CHRM3: variants seen among roughly 807,000 people sequenced by gnomAD.
The protein encoded by CHRM3 is cholinergic receptor muscarinic 3.
In CHRM3, 11 loss-of-function variants were observed where a neutral mutation model predicts 41.8. The ratio of observed to expected loss-of-function variants is 0.26; its 90% CI spans 0.17 to 0.44. The LOEUF is 0.44. Ranked by LOEUF, CHRM3 falls within the 20% of genes least tolerant of loss-of-function variation. The pLI is 1.00. For missense variants in CHRM3, 571 were observed against 745.4 expected, an observed-to-expected ratio of 0.77 and a Z score of 2.72; for synonymous variants, 297 against 301.4, an observed-to-expected ratio of 0.99 and a Z score of 0.15.
At chr1:239,865,162 A>G (rs76719103) in intron 6 of CHRM3, among the ~76,000 whole-genome samples, 2,822 of 152,306 alleles carry the variant, frequency 0.019, 100 homozygotes, top group African/African-American at 0.065. Context: ...ATCTCCTTGT[A>G]AAGGAACATG....
chr1:239,390,399 A>G (rs1658922400), intron 1 of CHRM3, among the ~76,000 whole-genome samples: 1 of 152,158 alleles, frequency 6.6e-6, no homozygotes, highest in Admixed American at 6.5e-5. Flanking sequence ...AGATAATCTA[A>G]TGTATATGAC....
At chr1:239,898,052 T>C (rs946186124) in intron 6 of CHRM3, 37 of 152,206 alleles carry the variant, frequency 2.4e-4, no homozygotes, top group Admixed American at 1.3e-4. Context: ...CCGGTTTTGG[T>C]GTTCAGAGAT....
chr1:239,618,186 A>G (rs573417206), intron 3 of CHRM3, among the ~76,000 whole-genome samples: 1 of 151,390 alleles, frequency 6.6e-6, no homozygotes, highest in South Asian at 2.1e-4. Flanking sequence ...ATGTGAACTT[A>G]AGGGCACATT....
At chr1:239,420,135 A>C (rs1325763531) in intron 1 of CHRM3, among the ~76,000 whole-genome samples, 1 of 151,998 alleles carries the variant, frequency 6.6e-6, no homozygotes, top group African/African-American at 2.4e-5. Context: ...CTTTTTGGAG[A>C]CTTGAGCTCT....
At position 239,449,733 on chromosome 1, in the gene CHRM3, GGT is replaced by G. The variant is rs149312544; in HGVS notation, c.-520-42956_-520-42955del. ...TATTTAGGATGAATTGTCACATTCT[GGT>G]GTGTGTGTGTGTGTGTGTGCGTGTG... On this transcript the variant is annotated intron_variant, in intron 1 of 6. Coordinates refer to ENST00000676153, the MANE Select transcript of CHRM3 (RefSeq NM_001375978.1). Among the ~76,000 whole-genome samples the G allele has an allele frequency of 5.4e-3, 780 of 143,418 alleles. 7 individuals carry two copies. Among genetic ancestry groups the G allele is most frequent in the Middle Eastern group, 0.015 (4 of 272 alleles). The allele number at this position is 143,418 out of a possible 152,430, so 94.1% of individuals were successfully genotyped here.
rs572650280 is a variant in CHRM3, at chr1:239,576,665, G to A, written c.-313+30916G>A. On this transcript the variant is annotated intron_variant, in intron 3 of 6. Transcript: ENST00000676153. ...CCAGGCATGGTGGCATGTGCCTATA[G>A]TCCTAGCTACTTGGGAAGCTGAGGC... Among the ~76,000 whole-genome samples, 34 of 151,456 alleles carry A rather than the reference G, an allele frequency of 2.2e-4. No homozygotes were observed. In the South Asian group the frequency reaches 6.5e-3, roughly 29 times the overall value.
chr1:239,728,953 CTG>C (rs563005577), intron 5 of CHRM3, among the ~76,000 whole-genome samples: 35 of 151,914 alleles, frequency 2.3e-4, no homozygotes, highest in Non-Finnish European at 3.8e-4. Flanking sequence ...TGTTGCCAAG[CTG>C]TGTGTTTTCC....
intron 2 of CHRM3, among the ~76,000 whole-genome samples, chr1:239,506,637 G>C (rs1017773086): frequency 2.0e-5 from 3 of 152,198 alleles, no homozygotes; most frequent in Admixed American, 6.5e-5. Flanking sequence ...CCCCCACACA[G>C]AGTCCCTACT....
rs1659056985 is a variant in CHRM3 at position 239,391,801 on chromosome 1, A to G, written c.-521+4574A>G. ...ATGGTGGCCAAAAATTAAAAACAAA[A>G]AACAAAAACCAATTTGATAAACAGT... On this transcript the variant is annotated intron_variant, in intron 1 of 6. Coordinates refer to ENST00000676153, the MANE Select transcript of CHRM3 (RefSeq NM_001375978.1). Among the ~76,000 whole-genome samples the G allele has an allele frequency of 3.3e-5, 5 of 152,208 alleles. 1 individual carries two copies. In the South Asian group the frequency reaches 1.0e-3, roughly 32 times the overall value.
chr1:239,871,208 T>C (rs966866811), intron 6 of CHRM3, among the ~76,000 whole-genome samples: 1 of 152,170 alleles, frequency 6.6e-6, no homozygotes, highest in Non-Finnish European at 1.5e-5. Context: ...CACTATATCC[T>C]GTGTATAGGG....
chr1:239,485,609 A>C (rs546597015), intron 1 of CHRM3, among the ~76,000 whole-genome samples: 22 of 152,284 alleles, frequency 1.4e-4, no homozygotes, highest in African/African-American at 5.3e-4. Flanking sequence ...AGAAGGCAAA[A>C]GGTTTTCACT....
At chr1:239,684,067 A>G (rs1015380063) in intron 5 of CHRM3, among the ~76,000 whole-genome samples, 2 of 152,246 alleles carry the variant, frequency 1.3e-5, no homozygotes, top group African/African-American at 4.8e-5. Flanking sequence ...TAGGATTCCT[A>G]ACCCATATTC....
At chr1:239,689,611 G>A (rs977766841) in intron 5 of CHRM3, among the ~76,000 whole-genome samples, 1 of 152,134 alleles carries the variant, frequency 6.6e-6, no homozygotes, top group Non-Finnish European at 1.5e-5. Context: ...TTTGCACTAC[G>A]TCTTCAGAGA....
chr1:239,439,986 T>C (rs1663579652), intron 1 of CHRM3, among the ~76,000 whole-genome samples: 1 of 149,618 alleles, frequency 6.7e-6, no homozygotes, highest in Non-Finnish European at 1.5e-5. Flanking sequence ...GATCACGAGG[T>C]TAGGAGTTCG....
intron 3 of CHRM3, among the ~76,000 whole-genome samples, chr1:239,588,929 T>C (rs1663740348): frequency 1.3e-5 from 2 of 152,018 alleles, no homozygotes; most frequent in Middle Eastern, 3.2e-3. Flanking sequence ...TCTTAGTGAG[T>C]TATGAAGCAT....
chr1:239,675,097 C>T (rs1657855901), intron 4 of CHRM3, among the ~76,000 whole-genome samples: 1 of 152,120 alleles, frequency 6.6e-6, no homozygotes, highest in Non-Finnish European at 1.5e-5. Flanking sequence ...TATCAATGTT[C>T]TCTAGAAACC....
At chr1:239,522,054 T>C (rs545824753) in intron 2 of CHRM3, among the ~76,000 whole-genome samples, 18 of 152,078 alleles carry the variant, frequency 1.2e-4, no homozygotes, top group African/African-American at 4.3e-4. Flanking sequence ...TTTGCCATAG[T>C]GCTCTTCTTA....
At chr1:239,640,086 G>C (rs1161833073) in intron 4 of CHRM3, among the ~76,000 whole-genome samples, 2 of 151,478 alleles carry the variant, frequency 1.3e-5, no homozygotes, top group Non-Finnish European at 2.9e-5. Flanking sequence ...TGCATATATT[G>C]AACCAGCCTT....
At position 239,560,770 on chromosome 1, in the gene CHRM3, G is replaced by T. The variant is rs80298717; in HGVS notation, c.-313+15021G>T. On this transcript the variant is annotated intron_variant, in intron 3 of 6. Coordinates refer to ENST00000676153, the MANE Select transcript of CHRM3 (RefSeq NM_001375978.1). ...TTCCCCATATGTCAGCTCCATCCGT[G>T]ACCCCTAAAATTCAGGTTCCACACA... 3.2e-3 allele frequency among the ~76,000 whole-genome samples: 493 copies of T among 151,922 alleles called. 1 individual carries two copies. Among genetic ancestry groups the T allele is most frequent in the Admixed American group, 5.9e-3 (90 of 15,216 alleles).
Sources: allele counts gnomAD v4.1 joint callset (sites outside exome capture counted in the v4.1 genomes callset), GRCh38; gene constraint gnomAD v4.1.1; transcripts MANE v1.5; gene names NCBI Gene and HGNC (gene_info 2026-07-23, HGNC 2026-07-21).